WAC: variants seen among roughly 807,000 people sequenced by gnomAD.
The protein encoded by WAC is WW domain-containing adapter protein with coiled-coil.
A neutral mutation model predicts 79.6 loss-of-function variants in WAC; 11 were observed. That is an observed-to-expected ratio of 0.14 (90% confidence interval 0.09 to 0.23). WAC has a LOEUF of 0.23. WAC is among the 10% of genes least tolerant of loss of function. WAC has a pLI of 1.00. For synonymous variants in WAC, 304 were observed against 276.9 expected (o/e 1.10, Z -0.97); for missense variants, 728 against 773.5 (o/e 0.94, Z 0.70).
At chr10:28,571,826 T>A (rs940765111) in intron 3 of WAC, among the ~76,000 whole-genome samples, 1 of 152,160 alleles carries the variant, frequency 6.6e-6, no homozygotes, top group Non-Finnish European at 1.5e-5. Context: ...TTCTTGTAAC[T>A]CTAATCAGTC....
At chr10:28,560,398 G>A (rs1048653054) in intron 3 of WAC, among the ~76,000 whole-genome samples, 31 of 152,208 alleles carry the variant, frequency 2.0e-4, no homozygotes, top group African/African-American at 6.7e-4. Context: ...ATTTTAAGCC[G>A]AAGCAGGCAT....
rs1408979486 is a variant in WAC at position 28,608,280 on chromosome 10, A to G, written c.1014A>G (p.Thr338=). 1 of 1,614,012 alleles carries G rather than the reference A, an allele frequency of 6.2e-7. No individual in the cohort carries two copies. Among genetic ancestry groups the G allele is most frequent in the Non-Finnish European group, 8.5e-7 (1 of 1,180,020 alleles). Residue 338 remains threonine (T), a synonymous_variant, in exon 8 of 14, where the codon ACA becomes ACG. Coordinates refer to ENST00000354911, the MANE Select transcript of WAC (RefSeq NM_016628.5). ...SGLNPTSAPP[T]SASAVPVSPV... Reference sequence around the variant, plus strand: ...TGAACCCCACATCTGCACCTCCAACATCTGCTTCAGCGGTCCCTGTTTCTC... The same window carrying G: ...TGAACCCCACATCTGCACCTCCAACGTCTGCTTCAGCGGTCCCTGTTTCTC...
chr10:28,609,540 G>A (rs913709310), intron 8 of WAC, among the ~76,000 whole-genome samples: 38 of 152,092 alleles, frequency 2.5e-4, no homozygotes, highest in Middle Eastern at 3.4e-3. Context: ...CTCTAACCAC[G>A]CAGTTCTCTT....
intron 6 of WAC, among the ~76,000 whole-genome samples, chr10:28,592,744 T>G (rs908695636): frequency 6.6e-6 from 1 of 152,250 alleles, no homozygotes; most frequent in Admixed American, 6.5e-5. Flanking sequence ...GTTTTTAAAT[T>G]CCATGACCCT....
intron 7 of WAC, among the ~76,000 whole-genome samples, chr10:28,604,529 C>T (rs183440697): frequency 5.9e-5 from 9 of 152,146 alleles, no homozygotes; most frequent in East Asian, 1.9e-4. Context: ...GCCAGGAGTT[C>T]GAGACCAGCT....
intron 4 of WAC, among the ~76,000 whole-genome samples, chr10:28,588,192 ATGTAT>A (rs1839918254): frequency 6.6e-6 from 1 of 152,124 alleles, no homozygotes; most frequent in Non-Finnish European, 1.5e-5. Flanking sequence ...ATAATAATTT[ATGTAT>A]AGGGAGGAGT....
chr10:28,616,683 A>G (rs1841482708), intron 12 of WAC, among the ~76,000 whole-genome samples: 1 of 152,204 alleles, frequency 6.6e-6, no homozygotes, highest in Non-Finnish European at 1.5e-5. Context: ...AATAGTGCAT[A>G]AGACCTTGAT....
chr10:28,548,423 A>G (rs984866062), intron 3 of WAC, among the ~76,000 whole-genome samples: 3 of 152,148 alleles, frequency 2.0e-5, no homozygotes, highest in African/African-American at 7.2e-5. Context: ...AATAGTAAGT[A>G]CAGTAGTTAG....
At chr10:28,588,207 T>C (rs1839919525) in intron 4 of WAC, among the ~76,000 whole-genome samples, 1 of 151,596 alleles carries the variant, frequency 6.6e-6, no homozygotes, top group African/African-American at 2.4e-5. Flanking sequence ...TAGGGAGGAG[T>C]AGGTGGTAGG....
At chr10:28,585,460 G>A (rs542944705) in intron 4 of WAC, among the ~76,000 whole-genome samples, 19 of 152,094 alleles carry the variant, frequency 1.2e-4, no homozygotes, top group Non-Finnish European at 2.4e-4. Flanking sequence ...CAAAGGGTGG[G>A]ACTGGGACTG....
At chr10:28,611,261 C>T (rs2132829684) in intron 9 of WAC, 7 of 1,292,608 alleles carry the variant, frequency 5.4e-6, no homozygotes, top group African/African-American at 1.5e-5. Context: ...TTAGATATCC[C>T]TCTTCATGAA....
intron 3 of WAC, among the ~76,000 whole-genome samples, chr10:28,581,524 T>C (rs553957233): frequency 1.1e-4 from 17 of 152,224 alleles, no homozygotes; most frequent in African/African-American, 4.1e-4. Flanking sequence ...CTGTTAACTT[T>C]TCCTGTATAC....
At chr10:28,577,515 T>C (rs181374317) in intron 3 of WAC, among the ~76,000 whole-genome samples, 42 of 152,306 alleles carry the variant, frequency 2.8e-4, no homozygotes, top group African/African-American at 9.9e-4. Flanking sequence ...CGAACATTTA[T>C]CATGTTATAG....
intron 12 of WAC, among the ~76,000 whole-genome samples, chr10:28,616,613 A>C (rs1247490432): frequency 6.6e-6 from 1 of 152,194 alleles, no homozygotes; most frequent in Non-Finnish European, 1.5e-5. Flanking sequence ...CCTTATATTT[A>C]TTTTCTCTAC....
At chr10:28,566,963 T>TC (rs1475792968) in intron 3 of WAC, among the ~76,000 whole-genome samples, 1 of 151,768 alleles carries the variant, frequency 6.6e-6, no homozygotes, top group Non-Finnish European at 1.5e-5. Context: ...TTTTTTTTTT[T>TC]TTCAGGACCT....
intron 3 of WAC, among the ~76,000 whole-genome samples, chr10:28,547,359 A>AC (rs1332305449): frequency 1.3e-5 from 2 of 151,896 alleles, no homozygotes; most frequent in African/African-American, 4.8e-5. Context: ...ACATGGTGAA[A>AC]CCCCGTCTCT....
chr10:28,535,813 A>G (rs1169350954), intron 3 of WAC, 56 bp downstream of exon 3: 1 of 1,415,316 alleles, frequency 7.1e-7, no homozygotes, highest in Non-Finnish European at 9.6e-7. Context: ...AGCTCTATAT[A>G]AAAGGCGGCA....
chr10:28,544,138 C>G (rs776639865), intron 3 of WAC, among the ~76,000 whole-genome samples: 1 of 152,368 alleles, frequency 6.6e-6, no homozygotes, highest in South Asian at 2.1e-4. Flanking sequence ...TCGCCTCAGC[C>G]TCCCAAAGTG....
intron 6 of WAC, among the ~76,000 whole-genome samples, chr10:28,592,774 A>G (rs550570742): frequency 7.9e-5 from 12 of 152,290 alleles, no homozygotes; most frequent in African/African-American, 2.9e-4. Context: ...TGGAATATAT[A>G]CTTTTTTTTC....
Sources: gnomAD v4.1 joint callset for allele counts (sites outside exome capture counted in the v4.1 genomes callset) on GRCh38, gnomAD v4.1.1 for gene constraint, MANE v1.5 for transcripts, NCBI Gene and HGNC (gene_info 2026-07-23, HGNC 2026-07-21) for gene names.